ZFAT: variants seen among roughly 807,000 people sequenced by gnomAD.
ZFAT encodes zinc finger protein ZFAT.
Under a neutral mutation model 117.7 loss-of-function variants are expected in ZFAT, and 64 were observed. That is an observed-to-expected ratio of 0.54 (90% CI 0.44 to 0.67). ZFAT has a LOEUF of 0.67. Among genes scored for constraint, ZFAT ranks in the 30% least tolerant of loss-of-function variants. The probability of loss-of-function intolerance (pLI) is 0.00; values close to 1 mark genes in which losing one functional copy is unlikely to be tolerated. For missense variants in ZFAT, 1,433 were observed against 1,584.5 expected (o/e 0.90, Z 1.62); for synonymous variants, 679 against 615.0 (o/e 1.10, Z -1.54).
chr8:134,683,697 G>A (rs941096133), intron 1 of ZFAT, among the ~76,000 whole-genome samples: 16 of 152,082 alleles, frequency 1.1e-4, no homozygotes, highest in South Asian at 4.2e-4. Context: ...AGAGCCCCCC[G>A]CCACAGACCG....
chr8:134,791,815 C>T, the ZFAT span, among the ~76,000 whole-genome samples: 1 of 152,134 alleles, frequency 6.6e-6, no homozygotes, highest in Non-Finnish European at 1.5e-5. Flanking sequence ...AGCCATGTTA[C>T]GCAGTTGTGG....
At chr8:134,770,139 C>A in the ZFAT span, among the ~76,000 whole-genome samples, 1 of 152,216 alleles carries the variant, frequency 6.6e-6, no homozygotes, top group Non-Finnish European at 1.5e-5. Flanking sequence ...CTCCTCCTTA[C>A]CTATGCAAAT....
chr8:134,702,283 A>C (rs1473140794), intron 1 of ZFAT, among the ~76,000 whole-genome samples: 2 of 152,238 alleles, frequency 1.3e-5, no homozygotes, highest in African/African-American at 4.8e-5. Context: ...TAAAGCTGCT[A>C]TGAACATGTG....
At chr8:134,794,443 T>C in the ZFAT span, 1 of 152,252 alleles carries the variant, frequency 6.6e-6, no homozygotes, top group Non-Finnish European at 1.5e-5. Context: ...TGCTCTATTC[T>C]ACCTATCTCG....
At chr8:134,555,715 G>C (rs983834492) in intron 11 of ZFAT, among the ~76,000 whole-genome samples, 9 of 150,462 alleles carry the variant, frequency 6.0e-5, no homozygotes, top group Admixed American at 6.0e-4. Context: ...AAAAAGAAAA[G>C]AAAAAAAGTC....
At chr8:134,823,093 C>A in the ZFAT span, among the ~76,000 whole-genome samples, 1 of 152,160 alleles carries the variant, frequency 6.6e-6, no homozygotes, top group South Asian at 2.1e-4. Flanking sequence ...GTGGACACTA[C>A]CAACACCTGG....
At chr8:134,693,770 G>C (rs1260520842) in intron 1 of ZFAT, among the ~76,000 whole-genome samples, 1 of 152,098 alleles carries the variant, frequency 6.6e-6, no homozygotes, top group African/African-American at 2.4e-5. Flanking sequence ...AAAGTCCTTG[G>C]AGTGAGGAGT....
intron 7 of ZFAT, among the ~76,000 whole-genome samples, chr8:134,592,623 C>T (rs556779846): frequency 6.6e-6 from 1 of 152,282 alleles, no homozygotes; most frequent in East Asian, 1.9e-4. Context: ...AGAATTGAGC[C>T]TCTCCTATAG....
At chr8:134,760,285 A>AAC in the ZFAT span, among the ~76,000 whole-genome samples, 13 of 138,386 alleles carry the variant, frequency 9.4e-5, no homozygotes, top group Admixed American at 1.6e-4. Flanking sequence ...AAAAAAAAAA[A>AAC]AAACAAACAA....
intron 15 of ZFAT, among the ~76,000 whole-genome samples, chr8:134,489,144 C>T (rs184638962): frequency 1.6e-3 from 245 of 152,066 alleles, no homozygotes; most frequent in African/African-American, 4.9e-3. Flanking sequence ...ACAGCAGAGA[C>T]CTGATCAGAC....
chr8:134,483,198 C>CA (rs1817439928), intron 15 of ZFAT, among the ~76,000 whole-genome samples: 1 of 152,366 alleles, frequency 6.6e-6, no homozygotes, highest in Non-Finnish European at 1.5e-5. Flanking sequence ...TTGCAGTTTA[C>CA]TGAACATTCT....
chr8:134,555,312 A>G (rs2130720965), intron 11 of ZFAT, among the ~76,000 whole-genome samples: 1 of 152,276 alleles, frequency 6.6e-6, no homozygotes, highest in Middle Eastern at 3.4e-3. Context: ...GCATGTACCA[A>G]AATTCCATAC....
At chr8:134,510,109 A>G (rs574422178) in intron 14 of ZFAT, 119 of 460,560 alleles carry the variant, frequency 2.6e-4, no homozygotes, top group African/African-American at 2.0e-3. Flanking sequence ...TCGAAGCTGA[A>G]CTCCTGGGAG....
intron 12 of ZFAT, among the ~76,000 whole-genome samples, chr8:134,531,340 T>C (rs1276067950): frequency 6.6e-6 from 1 of 152,222 alleles, no homozygotes; most frequent in Non-Finnish European, 1.5e-5. Flanking sequence ...CCTGCAACTC[T>C]AGTTATTTAC....
chr8:134,813,853 C>T, the ZFAT span, among the ~76,000 whole-genome samples: 1 of 150,986 alleles, frequency 6.6e-6, no homozygotes, highest in South Asian at 2.1e-4. Flanking sequence ...AAAGATACTT[C>T]TTTATAGATT....
At chr8:134,571,062 G>A (rs982246395) in intron 10 of ZFAT, among the ~76,000 whole-genome samples, 1 of 152,202 alleles carries the variant, frequency 6.6e-6, no homozygotes, top group Non-Finnish European at 1.5e-5. Context: ...ATTCACGGAG[G>A]GGCTGCTGGG....
intron 7 of ZFAT, among the ~76,000 whole-genome samples, chr8:134,593,609 C>G (rs981697281): frequency 1.3e-5 from 2 of 152,194 alleles, no homozygotes; most frequent in Admixed American, 1.3e-4. Context: ...AGATGCTGCA[C>G]GAAGCTGCAG....
In ZFAT at chr8:134,583,869, C is replaced by G; in HGVS notation, c.2850G>C (p.Gly950=). ...GAAGGAGTTTGTGACTTTTCAGTGT[C>G]CCTTTTGATTTGAATTTCTTGCCAC... ...DMCGKKFKSK[G]TLKSHKLLHT... The change falls in exon 10 of 16, where the codon GGG becomes GGC. Residue 950 remains glycine (G), a synonymous_variant. Transcript: ENST00000377838. 6.2e-7 allele frequency: 1 copy of G among 1,613,360 alleles called. No individual in the cohort carries two copies. The highest frequency in any genetic ancestry group is 1.1e-5 in the South Asian group (1 of 90,752).
chr8:134,720,312 TTTTTTG>T, the ZFAT span, among the ~76,000 whole-genome samples: 1 of 152,174 alleles, frequency 6.6e-6, no homozygotes, highest in Non-Finnish European at 1.5e-5. Context: ...GTGGGAGTAG[TTTTTTG>T]GGCAGCAAAA....
Sources: gnomAD v4.1 joint callset for allele counts (sites outside exome capture counted in the v4.1 genomes callset) on GRCh38, gnomAD v4.1.1 for gene constraint, MANE v1.5 for transcripts, NCBI Gene and HGNC (gene_info 2026-07-23, HGNC 2026-07-21) for gene names.